CELF2: variants seen among roughly 807,000 people sequenced by gnomAD.
CELF2 encodes the protein CUG triplet repeat RNA-binding protein 2.
Under a neutral mutation model 62.6 loss-of-function variants are expected in CELF2, and 8 were observed. The ratio of observed to expected loss-of-function variants is 0.13; its 90% CI spans 0.07 to 0.23. CELF2 has a LOEUF of 0.23. Ranked by LOEUF, CELF2 falls within the 10% of genes least tolerant of loss-of-function variation. The pLI is 1.00. For synonymous variants in CELF2, 258 were observed against 250.0 expected (o/e 1.03, Z -0.30); for missense variants, 333 against 671.0 (o/e 0.50, Z 5.56).
intron 1 of CELF2, among the ~76,000 whole-genome samples, chr10:11,147,432 G>A (rs2062480110): frequency 6.6e-6 from 1 of 152,114 alleles, no homozygotes; most frequent in African/African-American, 2.4e-5. Flanking sequence ...TAGATTTAGA[G>A]GTAGAAGTAA....
chr10:10,909,787 C>T lies in CELF2; in HGVS notation c.54-10177C>T, dbSNP rs546669865. On this transcript the variant is annotated intron_variant, in intron 1 of 13. Coordinates refer to the CELF2 transcript ENST00000636488. ...GATAAAATCTCTTCCCATTACTTGT[C>T]ATTATGTATTCATTTGTGTAAGTAT... Among the ~76,000 whole-genome samples, 3 of 152,256 alleles carry T rather than the reference C, an allele frequency of 2.0e-5. No homozygotes were observed. In the South Asian group the frequency reaches 6.2e-4, roughly 32 times the overall value.
chr10:11,322,751 ACTTTCT>A (rs1311695435), intron 11 of CELF2, among the ~76,000 whole-genome samples: 2 of 152,196 alleles, frequency 1.3e-5, no homozygotes, highest in African/African-American at 4.8e-5. Context: ...CATTATTTCA[ACTTTCT>A]CTTTGACTAT....
At chr10:10,842,792 A>G (rs1002158237) in intron 1 of CELF2, among the ~76,000 whole-genome samples, 1 of 152,048 alleles carries the variant, frequency 6.6e-6, no homozygotes, top group African/African-American at 2.4e-5. Context: ...TATTAGAATA[A>G]TGCTGGCCTC....
intron 1 of CELF2, among the ~76,000 whole-genome samples, chr10:10,869,294 T>A (rs906109392): frequency 7.2e-5 from 11 of 152,188 alleles, no homozygotes; most frequent in East Asian, 3.8e-4. Context: ...TGGGGCGCGG[T>A]GGCTCACATC....
chr10:10,677,285 C>T, the CELF2 span, among the ~76,000 whole-genome samples: 3 of 152,166 alleles, frequency 2.0e-5, no homozygotes, highest in African/African-American at 4.8e-5. Flanking sequence ...TTGGCTACAC[C>T]CTTTTCTACT....
At chr10:11,266,841 CTCTT>C (rs898841109) in intron 6 of CELF2, among the ~76,000 whole-genome samples, 164 bp downstream of exon 6, 6 of 152,160 alleles carry the variant, frequency 3.9e-5, no homozygotes, top group African/African-American at 4.8e-5. Context: ...CTCTCTCTCT[CTCTT>C]TCTCTATGCA....
intron 1 of CELF2, among the ~76,000 whole-genome samples, chr10:11,160,674 A>T (rs866761082): frequency 1.7e-4 from 26 of 149,032 alleles, no homozygotes; most frequent in African/African-American, 4.9e-4. Flanking sequence ...AGAGTATTGG[A>T]GTAATAAGAT....
the CELF2 span, among the ~76,000 whole-genome samples, chr10:10,491,461 A>C: frequency 6.6e-5 from 10 of 152,102 alleles, no homozygotes; most frequent in Non-Finnish European, 1.5e-4. Context: ...CTTCATTCTA[A>C]TTGTTCTTAC....
At chr10:10,853,322 G>C (rs1198883338) in intron 1 of CELF2, among the ~76,000 whole-genome samples, 1 of 152,054 alleles carries the variant, frequency 6.6e-6, no homozygotes, top group Non-Finnish European at 1.5e-5. Flanking sequence ...AGGATTCTTG[G>C]TTGCTGTAAT....
intron 1 of CELF2, among the ~76,000 whole-genome samples, chr10:11,134,627 C>T (rs778048763): frequency 7.9e-5 from 12 of 152,186 alleles, no homozygotes; most frequent in Non-Finnish European, 1.0e-4. Context: ...ACCGCTGTCT[C>T]CAGCACCTTG....
intron 1 of CELF2, among the ~76,000 whole-genome samples, chr10:10,856,790 C>T (rs1232037875): frequency 6.6e-6 from 1 of 152,086 alleles, no homozygotes; most frequent in Non-Finnish European, 1.5e-5. Context: ...TTCCCATTGG[C>T]TTTATAACAT....
At chr10:10,557,832 G>A in the CELF2 span, among the ~76,000 whole-genome samples, 1,042 of 138,194 alleles carry the variant, frequency 7.5e-3, 7 homozygotes, top group African/African-American at 0.012. Flanking sequence ...TTGGCTCTCT[G>A]TTTGTCTGTT....
At chr10:10,681,231 G>C in the CELF2 span, among the ~76,000 whole-genome samples, 1 of 152,128 alleles carries the variant, frequency 6.6e-6, no homozygotes, top group East Asian at 1.9e-4. Context: ...TGCTGTGAGT[G>C]ACCTATGGGC....
intron 2 of CELF2, among the ~76,000 whole-genome samples, chr10:11,183,274 A>T (rs558796385): frequency 6.6e-6 from 1 of 152,248 alleles, no homozygotes; most frequent in Admixed American, 6.5e-5. Flanking sequence ...CATCCCCGTC[A>T]CTCATTGATT....
At chr10:11,303,769 A>G (rs2093976370) in intron 9 of CELF2, among the ~76,000 whole-genome samples, 2 of 152,358 alleles carry the variant, frequency 1.3e-5, no homozygotes, top group African/African-American at 4.8e-5. Context: ...CTAGATAGAC[A>G]TAAGAGGGGA....
At chr10:11,153,362 C>T (rs2063699317) in intron 1 of CELF2, among the ~76,000 whole-genome samples, 1 of 152,174 alleles carries the variant, frequency 6.6e-6, no homozygotes, top group Non-Finnish European at 1.5e-5. Context: ...CACCGTCTGA[C>T]ATTTATCTTA....
intron 1 of CELF2, among the ~76,000 whole-genome samples, chr10:11,027,027 A>G (rs555446197): frequency 1.3e-5 from 2 of 152,232 alleles, no homozygotes; most frequent in East Asian, 3.9e-4. Flanking sequence ...TGCCTTCTCA[A>G]AATTGTCACC....
the CELF2 span, among the ~76,000 whole-genome samples, chr10:10,536,447 G>A: frequency 6.6e-6 from 1 of 152,210 alleles, no homozygotes; most frequent in Non-Finnish European, 1.5e-5. Flanking sequence ...TGAAATGGCA[G>A]GTGCTCTGTC....
intron 9 of CELF2, among the ~76,000 whole-genome samples, chr10:11,310,589 G>A (rs571510491): frequency 6.6e-6 from 1 of 152,118 alleles, no homozygotes; most frequent in Non-Finnish European, 1.5e-5. Flanking sequence ...GTACTTCCCT[G>A]GTGTACCCTA....
Sources: gnomAD v4.1 joint callset for allele counts (sites outside exome capture counted in the v4.1 genomes callset) on GRCh38, gnomAD v4.1.1 for gene constraint, MANE v1.5 for transcripts, NCBI Gene and HGNC (gene_info 2026-07-23, HGNC 2026-07-21) for gene names.